SGK1: variants seen among roughly 807,000 people sequenced by gnomAD.
The protein encoded by SGK1 is serine/threonine-protein kinase Sgk1.
In SGK1, 26 loss-of-function variants were observed where a neutral mutation model predicts 64.2. The ratio of observed to expected loss-of-function variants is 0.40; its 90% CI spans 0.30 to 0.56. The LOEUF (loss-of-function observed/expected upper bound fraction) is 0.56. Among genes scored for constraint, SGK1 ranks in the 20% least tolerant of loss-of-function variants. The pLI is 0.38. For missense variants in SGK1, 519 were observed against 645.6 expected (o/e 0.80, Z 2.12); for synonymous variants, 265 against 239.7 (o/e 1.11, Z -0.98).
chr6:134,266,375 G>C lies in SGK1; in HGVS notation c.70-4227C>G, dbSNP rs959287726. ...TGTAATCCCAGCACTTTGGGTTTGGGAGGCTGAGGCGTGTGGATCACCTGA... is the reference window on the plus strand; with the variant it reads ...TGTAATCCCAGCACTTTGGGTTTGGCAGGCTGAGGCGTGTGGATCACCTGA... On this transcript the variant is annotated intron_variant, in intron 1 of 13. Transcript: ENST00000367858. 3.3e-5 allele frequency among the ~76,000 whole-genome samples: 5 copies of C among 152,192 alleles called. No homozygotes were observed. In the East Asian group the frequency reaches 9.7e-4, roughly 30 times the overall value.
intron 10 of SGK1, 43 bp from the exon 11 acceptor site, chr6:134,171,775 G>C (rs957993176): frequency 2.3e-6 from 3 of 1,305,762 alleles, no homozygotes; most frequent in Non-Finnish European, 3.3e-6. Flanking sequence ...ACCTGCGAAA[G>C]CAAGCAATCC....
chr6:134,213,940 T>A (rs1312447056), intron 2 of SGK1, among the ~76,000 whole-genome samples: 2 of 152,172 alleles, frequency 1.3e-5, no homozygotes, highest in Non-Finnish European at 2.9e-5. Flanking sequence ...GTAAACTGTA[T>A]AATAAACCTC....
At chr6:134,227,786 C>T (rs1163880696) in intron 2 of SGK1, among the ~76,000 whole-genome samples, 1 of 152,056 alleles carries the variant, frequency 6.6e-6, no homozygotes, top group African/African-American at 2.4e-5. Context: ...TACGCACGTA[C>T]TAAAAGCAAA....
At chr6:134,296,667 T>C (rs775331962) in intron 1 of SGK1, among the ~76,000 whole-genome samples, 3 of 146,860 alleles carry the variant, frequency 2.0e-5, no homozygotes, top group Non-Finnish European at 3.0e-5. Flanking sequence ...TTGTTCATTA[T>C]AATCAATCAG....
intron 2 of SGK1, among the ~76,000 whole-genome samples, chr6:134,223,229 G>T (rs545593467): frequency 6.6e-6 from 1 of 151,962 alleles, no homozygotes; most frequent in Non-Finnish European, 1.5e-5. Context: ...TTAGCCGGGC[G>T]TGGTGGTGCG....
At chr6:134,179,308 G>A (rs1057112471) in intron 3 of SGK1, among the ~76,000 whole-genome samples, 12 of 152,084 alleles carry the variant, frequency 7.9e-5, no homozygotes, top group Non-Finnish European at 1.6e-4. Flanking sequence ...CCTATGAAGA[G>A]TTTAAGTTCC....
intron 1 of SGK1, among the ~76,000 whole-genome samples, chr6:134,281,869 A>G (rs1777099150): frequency 6.6e-6 from 1 of 152,300 alleles, no homozygotes; most frequent in Non-Finnish European, 1.5e-5. Flanking sequence ...AATAAGGTTT[A>G]ACTATATACT....
chr6:134,196,279 T>C (rs1004062099), intron 3 of SGK1, among the ~76,000 whole-genome samples: 2 of 151,652 alleles, frequency 1.3e-5, no homozygotes, highest in Non-Finnish European at 2.9e-5. Context: ...TTATCCAGGC[T>C]GGTCTTGAAC....
At position 134,174,923 on chromosome 6, in the gene SGK1, G is replaced by T. The variant is rs992832898; in HGVS notation, c.362-337C>A. ...GCACCGCCGCGGGGGCGGGGCCTGCGCGACAGTGAGAAGTGGCCCCGCCCT... is the reference window on the plus strand; with the variant it reads ...GCACCGCCGCGGGGGCGGGGCCTGCTCGACAGTGAGAAGTGGCCCCGCCCT... On this transcript the variant is annotated intron_variant, in intron 3 of 13. Transcript: ENST00000367858. The T allele has an allele frequency of 6.5e-5, 100 of 1,530,978 alleles. No homozygotes were observed. In the Middle Eastern group the frequency reaches 9.7e-4, roughly 15 times the overall value. 94.8% of individuals were successfully genotyped at this position (1,530,978 alleles called of 1,614,324 possible). A position where few individuals can be genotyped will look rare whatever the true frequency, so the allele number is the denominator to read the frequency against.
At chr6:134,182,346 G>A (rs1366157321) in intron 3 of SGK1, among the ~76,000 whole-genome samples, 1 of 151,624 alleles carries the variant, frequency 6.6e-6, no homozygotes, top group African/African-American at 2.4e-5. Flanking sequence ...TCAGGAGTTC[G>A]AAACCAGCAG....
intron 2 of SGK1, among the ~76,000 whole-genome samples, chr6:134,215,906 C>T (rs1775972049): frequency 6.6e-6 from 1 of 152,058 alleles, no homozygotes; most frequent in Admixed American, 6.6e-5. Flanking sequence ...ATCCCAGCTA[C>T]TTGGGAGGAT....
At chr6:134,233,560 C>G (rs1776321399) in intron 2 of SGK1, among the ~76,000 whole-genome samples, 1 of 152,202 alleles carries the variant, frequency 6.6e-6, no homozygotes, top group African/African-American at 2.4e-5. Flanking sequence ...ACACGGTTAT[C>G]TTCAGCTACC....
At chr6:134,245,069 C>T (rs540350058) in intron 2 of SGK1, among the ~76,000 whole-genome samples, 1 of 152,226 alleles carries the variant, frequency 6.6e-6, no homozygotes, top group African/African-American at 2.4e-5. Flanking sequence ...AGCCACCATG[C>T]CCTGCCTTAA....
At chr6:134,174,422 C>T in intron 4 of SGK1, 89 bp downstream of exon 4, 1 of 909,476 alleles carries the variant, frequency 1.1e-6, no homozygotes, top group Non-Finnish European at 1.8e-6. Flanking sequence ...AAGAAGTCTT[C>T]GCCTTCCCGA....
intron 1 of SGK1, among the ~76,000 whole-genome samples, chr6:134,309,881 A>G (rs1466096693): frequency 6.6e-6 from 1 of 152,240 alleles, no homozygotes; most frequent in Non-Finnish European, 1.5e-5. Context: ...ATTTCTAAAA[A>G]AAATTAACTA....
intron 3 of SGK1, 82 bp downstream of exon 3, chr6:134,207,274 C>T (rs1775808667): frequency 1.2e-6 from 1 of 854,050 alleles, no homozygotes; most frequent in African/African-American, 1.7e-5. Context: ...TATTTCCCCC[C>T]AAACCTTGCC....
intron 1 of SGK1, among the ~76,000 whole-genome samples, chr6:134,275,609 T>C (rs548145956): frequency 1.3e-5 from 2 of 152,336 alleles, no homozygotes; most frequent in East Asian, 1.9e-4. Flanking sequence ...TTGCAATCTA[T>C]TGAACTGATT....
At chr6:134,193,690 G>A (rs1411724041) in intron 3 of SGK1, among the ~76,000 whole-genome samples, 1 of 147,560 alleles carries the variant, frequency 6.8e-6, no homozygotes, top group Non-Finnish European at 1.5e-5. Context: ...TCAGTCACCT[G>A]GCTGGAGCGA....
intron 2 of SGK1, among the ~76,000 whole-genome samples, chr6:134,258,157 C>T (rs1776711825): frequency 2.6e-5 from 4 of 151,090 alleles, no homozygotes; most frequent in Admixed American, 6.6e-5. Context: ...GGCTGGAGTG[C>T]TGTGGTGCCA....
Sources: gnomAD v4.1 joint callset for allele counts (sites outside exome capture counted in the v4.1 genomes callset) on GRCh38, gnomAD v4.1.1 for gene constraint, MANE v1.5 for transcripts, NCBI Gene and HGNC (gene_info 2026-07-23, HGNC 2026-07-21) for gene names.